The following TRDN variants were observed in gnomAD, a reference collection of about 807,000 sequenced individuals.
TRDN encodes the protein triadin.
TRDN carries 161 observed loss-of-function variants against 149.7 expected under a neutral mutation model. That is an observed-to-expected ratio of 1.08 (90% confidence interval 0.95 to 1.23). TRDN has a LOEUF of 1.23. Ranked by LOEUF, TRDN falls within the 50% of genes most tolerant of loss-of-function variation. The pLI is 0.00. For missense variants in TRDN, 896 were observed against 823.5 expected (o/e 1.09, Z -1.08); for synonymous variants, 294 against 250.5 (o/e 1.17, Z -1.64).
At position 123,430,477 on chromosome 6, in the gene TRDN, G is replaced by A. The variant is rs1159517857; in HGVS notation, c.1051+7586C>T. Reference sequence around the variant, plus strand: ...TGTGCCTGTAGTCCCAGCTACTAGGGAGGCCGAGGCAGGAGAACTGCATGA... The same window carrying A: ...TGTGCCTGTAGTCCCAGCTACTAGGAAGGCCGAGGCAGGAGAACTGCATGA... On this transcript the variant is annotated intron_variant, in intron 12 of 40. Transcript: ENST00000334268. 2.0e-5 allele frequency among the ~76,000 whole-genome samples: 3 copies of A among 152,050 alleles called. No individual in the cohort carries two copies. The East Asian group carries it at 5.8e-4, about 29-fold the overall frequency.
chr6:123,400,268 A>G (rs938299149), intron 12 of TRDN, among the ~76,000 whole-genome samples: 7 of 151,236 alleles, frequency 4.6e-5, no homozygotes, highest in South Asian at 2.1e-4. Flanking sequence ...TAAAATTTCA[A>G]TTTTAAAAAT....
At chr6:123,296,973 T>C (rs1485250653) in intron 24 of TRDN, among the ~76,000 whole-genome samples, 1 of 152,104 alleles carries the variant, frequency 6.6e-6, no homozygotes, top group Non-Finnish European at 1.5e-5. Flanking sequence ...AGATAAGAAG[T>C]AGAAATATTA....
At chr6:123,230,943 A>G (rs2114521276) in intron 38 of TRDN, among the ~76,000 whole-genome samples, 1 of 152,126 alleles carries the variant, frequency 6.6e-6, no homozygotes, top group South Asian at 2.1e-4. Context: ...GATTTTACAC[A>G]TGTGTTTTAA....
At chr6:123,530,445 G>C in intron 5 of TRDN, 61 bp downstream of exon 5, 1 of 979,544 alleles carries the variant, frequency 1.0e-6, no homozygotes, top group African/African-American at 1.7e-5. Flanking sequence ...ATTTTTTCTC[G>C]CATATGAATA....
intron 22 of TRDN, among the ~76,000 whole-genome samples, chr6:123,336,454 T>C (rs879383693): frequency 2.6e-5 from 4 of 152,014 alleles, no homozygotes; most frequent in Non-Finnish European, 4.4e-5. Flanking sequence ...ACCACACCTT[T>C]AAAGGCAAAC....
chr6:123,574,893 T>TATATATATATATAC (rs1554259184), intron 1 of TRDN, among the ~76,000 whole-genome samples: 1 of 94,032 alleles, frequency 1.1e-5, no homozygotes, highest in African/African-American at 6.2e-5. Flanking sequence ...TATATATATA[T>TATATATATATATAC]ACACACATTT....
chr6:123,225,535 TACA>T (rs1775322911), intron 38 of TRDN, among the ~76,000 whole-genome samples: 1 of 149,624 alleles, frequency 6.7e-6, no homozygotes, highest in Non-Finnish European at 1.5e-5. Flanking sequence ...CACACACACA[TACA>T]CACACATACA....
At chr6:123,320,060 T>C (rs1388307235) in intron 23 of TRDN, among the ~76,000 whole-genome samples, 1 of 152,098 alleles carries the variant, frequency 6.6e-6, no homozygotes, top group Non-Finnish European at 1.5e-5. Flanking sequence ...TAAATCCCAA[T>C]AATCTGCATT....
At chr6:123,502,472 A>G in intron 8 of TRDN, 1 of 810,868 alleles carries the variant, frequency 1.2e-6, no homozygotes, top group South Asian at 5.6e-5. Flanking sequence ...CTAAAAAAAG[A>G]AAAAATCTTT....
Position 123,437,831 on chromosome 6 carries a change from T to G in TRDN, c.1051+232A>C, listed in dbSNP as rs9482386. On this transcript the variant is annotated intron_variant, in intron 12 of 40. Coordinates refer to ENST00000334268, the MANE Select transcript of TRDN (RefSeq NM_006073.4). ...CATTACAAACATTCCTGCGTTTTTT[T>G]GGGGGGGAATTGAGTTCAGACTCAA... Among the ~76,000 whole-genome samples, 22,073 of 151,954 alleles carry G rather than the reference T, an allele frequency of 0.15. 2,195 individuals carry two copies. Among genetic ancestry groups the G allele is most frequent in the African/African-American group, 0.29 (11,884 of 41,380 alleles).
chr6:123,527,734 C>T (rs763703724), intron 5 of TRDN, among the ~76,000 whole-genome samples: 3 of 151,604 alleles, frequency 2.0e-5, no homozygotes, highest in Non-Finnish European at 4.4e-5. Flanking sequence ...CGCTATATTA[C>T]TATATAAATT....
At chr6:123,607,453 T>C (rs1784577310) in intron 1 of TRDN, among the ~76,000 whole-genome samples, 1 of 152,166 alleles carries the variant, frequency 6.6e-6, no homozygotes, top group Admixed American at 6.6e-5. Context: ...TATATACAGA[T>C]TACATTAATT....
intron 1 of TRDN, among the ~76,000 whole-genome samples, chr6:123,582,554 T>C (rs2114583791): frequency 6.6e-6 from 1 of 151,978 alleles, no homozygotes; most frequent in African/African-American, 2.4e-5. Flanking sequence ...GGGGCGCTTT[T>C]GAGCCAGGAT....
chr6:123,318,342 A>G (rs1473481886), intron 23 of TRDN, among the ~76,000 whole-genome samples: 5 of 152,040 alleles, frequency 3.3e-5, no homozygotes, highest in Non-Finnish European at 5.9e-5. Context: ...GACTTGCATT[A>G]TTCCATTATT....
intron 1 of TRDN, among the ~76,000 whole-genome samples, chr6:123,624,806 T>C (rs1244183033): frequency 6.6e-6 from 1 of 152,104 alleles, no homozygotes; most frequent in Non-Finnish European, 1.5e-5. Context: ...TATGTGGGGA[T>C]GGAAATCAGC....
intron 1 of TRDN, among the ~76,000 whole-genome samples, chr6:123,573,836 T>C (rs1260617504): frequency 6.6e-6 from 1 of 152,054 alleles, no homozygotes; most frequent in Non-Finnish European, 1.5e-5. Flanking sequence ...CAAACAGCTA[T>C]GTACACAGGA....
chr6:123,443,834 A>G (rs933200637), intron 10 of TRDN, among the ~76,000 whole-genome samples: 15 of 150,472 alleles, frequency 1.0e-4, no homozygotes, highest in African/African-American at 3.5e-4. Flanking sequence ...AGTTATAGAT[A>G]TGCGGCGTTA....
chr6:123,433,330 C>T (rs950039961), intron 12 of TRDN, among the ~76,000 whole-genome samples: 55 of 151,494 alleles, frequency 3.6e-4, no homozygotes, highest in African/African-American at 1.3e-3. Flanking sequence ...CTATCATTGC[C>T]TTAAGTTTAT....
At chr6:123,446,768 C>T (rs1420169273) in intron 10 of TRDN, among the ~76,000 whole-genome samples, 1 of 151,822 alleles carries the variant, frequency 6.6e-6, no homozygotes, top group Non-Finnish European at 1.5e-5. Flanking sequence ...GAGGTTTAAG[C>T]AGAGAAGTTA....
Sources: gnomAD v4.1 joint callset for allele counts (sites outside exome capture counted in the v4.1 genomes callset) on GRCh38, gnomAD v4.1.1 for gene constraint, MANE v1.5 for transcripts, NCBI Gene and HGNC (gene_info 2026-07-23, HGNC 2026-07-21) for gene names.